MPDZ: variants seen among roughly 807,000 people sequenced by gnomAD.
MPDZ encodes multiple PDZ domain crumbs cell polarity complex component.
MPDZ carries 234 observed loss-of-function variants against 239.1 expected under a neutral mutation model. The observed-to-expected ratio is 0.98, with a 90% confidence interval of 0.88 to 1.09. The LOEUF (loss-of-function observed/expected upper bound fraction) is 1.09, where lower values mean the gene tolerates loss of function less well. MPDZ is among the 50% of genes least tolerant of loss of function. The probability of loss-of-function intolerance (pLI) is 0.00; values close to 1 mark genes in which losing one functional copy is unlikely to be tolerated. For synonymous variants in MPDZ, 1,048 were observed against 881.3 expected, an observed-to-expected ratio of 1.19 and a Z score of -3.35; for missense variants, 3,175 against 2,510.0, an observed-to-expected ratio of 1.26 and a Z score of -5.66.
chr9:13,199,384 A>T (rs1201148203), intron 12 of MPDZ, among the ~76,000 whole-genome samples: 1 of 152,000 alleles, frequency 6.6e-6, no homozygotes, highest in African/African-American at 2.4e-5. Flanking sequence ...TTCATGTATC[A>T]GTTCTAACCA....
intron 27 of MPDZ, among the ~76,000 whole-genome samples, chr9:13,142,809 G>A (rs1467274961): frequency 6.6e-6 from 1 of 152,030 alleles, no homozygotes; most frequent in Non-Finnish European, 1.5e-5. Context: ...TATTCATAAA[G>A]TGTTTCCTGA....
intron 39 of MPDZ, among the ~76,000 whole-genome samples, chr9:13,117,306 T>G (rs568782446): frequency 9.5e-4 from 145 of 152,160 alleles, no homozygotes; most frequent in African/African-American, 3.2e-3. Flanking sequence ...CCGAGATGGG[T>G]GGATCACGAA....
chr9:13,218,175 A>G (rs1391118293), intron 8 of MPDZ, among the ~76,000 whole-genome samples: 2 of 151,890 alleles, frequency 1.3e-5, no homozygotes, highest in Non-Finnish European at 2.9e-5. Context: ...ATTTTACAGT[A>G]AAGTTTGATT....
Position 13,205,999 on chromosome 9 carries a change from A to G in MPDZ, c.1391T>C (p.Met464Thr). 3 of 1,612,426 alleles carry G rather than the reference A, an allele frequency of 1.9e-6. No individual in the cohort carries two copies. Among genetic ancestry groups the G allele is most frequent in the Non-Finnish European group, 2.5e-6 (3 of 1,179,372 alleles). Residue 464 changes from methionine to threonine, a missense_variant, in exon 11 of 47, where the codon ATG becomes ACG. Coordinates refer to ENST00000319217, the MANE Select transcript of MPDZ (RefSeq NM_001378778.1). ...TVLLTLMRRG[M>T]KQEAELMSRE... ...TGACATGAGCTCGGCTTCCTGCTTC[A>G]TTCCTCTCCTCATTAGTGTCAGGAG...
At chr9:13,223,048 G>C (rs975012919) in intron 5 of MPDZ, among the ~76,000 whole-genome samples, 1 of 152,108 alleles carries the variant, frequency 6.6e-6, no homozygotes, top group Admixed American at 6.6e-5. Context: ...CACTGTGTTA[G>C]GCATTATAAG....
intron 10 of MPDZ, among the ~76,000 whole-genome samples, chr9:13,209,962 G>C (rs1211559944): frequency 2.0e-5 from 3 of 150,206 alleles, no homozygotes; most frequent in Non-Finnish European, 4.4e-5. Context: ...ATAAGGAGAA[G>C]ATGATAAATG....
intron 27 of MPDZ, 122 bp from the exon 28 acceptor site, chr9:13,140,271 A>T (rs1262613322): frequency 3.8e-6 from 3 of 791,828 alleles, no homozygotes; most frequent in East Asian, 5.7e-5. Flanking sequence ...CAAATAATGG[A>T]AAGCTCATAT....
intron 11 of MPDZ, 103 bp downstream of exon 11, chr9:13,205,813 G>C: frequency 1.9e-6 from 2 of 1,080,428 alleles, no homozygotes; most frequent in Admixed American, 3.1e-5. Context: ...AAAGCATTCT[G>C]AATAATTAAG....
At chr9:13,276,953 C>T (rs1974341026) in intron 1 of MPDZ, among the ~76,000 whole-genome samples, 1 of 152,182 alleles carries the variant, frequency 6.6e-6, no homozygotes, top group Admixed American at 6.5e-5. Flanking sequence ...TCCACCCTAG[C>T]AGTTAAAAAC....
Position 13,113,064 on chromosome 9 carries a change from CA to C in MPDZ, c.5558-11del. ...TGTATTTCAGATGCCACTGTAAAGGCAAAAAAGATAAAATAGGGTTATTTTA... is the reference window on the plus strand; with the variant it reads ...TGTATTTCAGATGCCACTGTAAAGGCAAAAAGATAAAATAGGGTTATTTTA... On this transcript the variant is annotated splice_polypyrimidine_tract_variant and intron_variant, in intron 41 of 46. Coordinates refer to ENST00000319217, the MANE Select transcript of MPDZ (RefSeq NM_001378778.1). 1.3e-6 allele frequency: 2 copies of C among 1,560,022 alleles called. No homozygotes were observed. The highest frequency in any genetic ancestry group is 2.0e-5 in the Admixed American group (1 of 51,174).
At chr9:13,140,742 T>A (rs1194633891) in intron 27 of MPDZ, 2 of 151,998 alleles carry the variant, frequency 1.3e-5, no homozygotes, top group African/African-American at 4.8e-5. Context: ...TTGAGGCATC[T>A]AGAAAAATCT....
chr9:13,212,976 G>A (rs771632631), intron 10 of MPDZ, among the ~76,000 whole-genome samples: 1 of 151,928 alleles, frequency 6.6e-6, no homozygotes, highest in Non-Finnish European at 1.5e-5. Context: ...TACGTATAAA[G>A]AGAGAACTTC....
intron 21 of MPDZ, 100 bp from the exon 22 acceptor site, chr9:13,168,664 C>A: frequency 6.4e-6 from 6 of 930,988 alleles, no homozygotes; most frequent in South Asian, 4.0e-5. Context: ...TTAAAAAATA[C>A]AAGTAACATT....
intron 1 of MPDZ, among the ~76,000 whole-genome samples, chr9:13,256,513 T>TA (rs1288886876): frequency 6.6e-6 from 1 of 152,188 alleles, no homozygotes; most frequent in African/African-American, 2.4e-5. Flanking sequence ...TCCTTTCACT[T>TA]AAACACTTAG....
At chr9:13,162,628 G>C in intron 23 of MPDZ, 63 bp downstream of exon 23, 1 of 1,101,796 alleles carries the variant, frequency 9.1e-7, no homozygotes. Flanking sequence ...CCCTGACTCT[G>C]AATTCCAAAT....
chr9:13,146,319 A>C (rs930739962), intron 26 of MPDZ, among the ~76,000 whole-genome samples: 1 of 152,044 alleles, frequency 6.6e-6, no homozygotes. Flanking sequence ...TAGAATATTG[A>C]TAAGTTACTT....
At position 13,133,909 on chromosome 9, in the gene MPDZ, C is replaced by G. The variant is rs751251895; in HGVS notation, c.4384-5G>C. 1 of 1,507,670 alleles carries G rather than the reference C, an allele frequency of 6.6e-7. No homozygotes were observed. Among genetic ancestry groups the G allele is most frequent in the South Asian group, 1.4e-5 (1 of 69,132 alleles). The allele number at this position is 1,507,670 out of a possible 1,614,324, so 93.4% of individuals were successfully genotyped here. A position where few individuals can be genotyped will look rare whatever the true frequency, so the allele number is the denominator to read the frequency against. On this transcript the variant is annotated splice_region_variant and splice_polypyrimidine_tract_variant and intron_variant, in intron 31 of 46. Coordinates refer to ENST00000319217, the MANE Select transcript of MPDZ (RefSeq NM_001378778.1). ...AGTAGTAACAGTTGGCTCTGTCTGA[C>G]AGAGGGAAAGAAATGACAAAAAGAG...
At chr9:13,110,590 T>C in intron 44 of MPDZ, 46 bp downstream of exon 44, 2 of 1,394,082 alleles carry the variant, frequency 1.4e-6, no homozygotes, top group Non-Finnish European at 2.0e-6. Flanking sequence ...CTCATGTGTC[T>C]TCAGGCTACC....
rs1024162289 is a variant in MPDZ at position 13,183,343 on chromosome 9, C to T, written c.2649+75G>A. The T allele has an allele frequency of 4.2e-6, 5 of 1,179,694 alleles. No homozygotes were observed. The African/African-American group carries it at 4.7e-5, about 11-fold the overall frequency. The allele number at this position is 1,179,694 out of a possible 1,614,324, so 73.1% of individuals were successfully genotyped here. A position where few individuals can be genotyped will look rare whatever the true frequency, so the allele number is the denominator to read the frequency against. ...TCTCCAATATGTTATTCCCACAACT[C>T]CCCATAAGGACTGAGCTCTGGAAAA... On this transcript the variant is annotated intron_variant, in intron 19 of 46. Coordinates refer to ENST00000319217, the MANE Select transcript of MPDZ (RefSeq NM_001378778.1).
Sources: allele counts gnomAD v4.1 joint callset (sites outside exome capture counted in the v4.1 genomes callset), GRCh38; gene constraint gnomAD v4.1.1; transcripts MANE v1.5; gene names NCBI Gene and HGNC (gene_info 2026-07-23, HGNC 2026-07-21).